The following MIPOL1 variants were observed in gnomAD, a reference collection of about 807,000 sequenced individuals.
The protein encoded by MIPOL1 is mirror-image polydactyly 1.
A neutral mutation model predicts 60.9 loss-of-function variants in MIPOL1; 57 were observed. That is an observed-to-expected ratio of 0.94 (90% CI 0.76 to 1.17). The LOEUF (loss-of-function observed/expected upper bound fraction) is 1.17. Among genes scored for constraint, MIPOL1 ranks in the 50% most tolerant of loss-of-function variants. The probability of loss-of-function intolerance (pLI) is 0.00; values close to 1 mark genes in which losing one functional copy is unlikely to be tolerated. For synonymous variants in MIPOL1, 179 were observed against 168.8 expected (o/e 1.06, Z -0.47); for missense variants, 551 against 511.6 (o/e 1.08, Z -0.74).
chr14:37,368,383 G>A (rs1000431178), intron 9 of MIPOL1, among the ~76,000 whole-genome samples: 11 of 151,870 alleles, frequency 7.2e-5, no homozygotes, highest in African/African-American at 1.5e-4. Context: ...ATATTGATAC[G>A]TACTGCCTAA....
At chr14:37,504,054 A>T (rs1452324930) in intron 12 of MIPOL1, 1 of 152,196 alleles carries the variant, frequency 6.6e-6, no homozygotes, top group African/African-American at 2.4e-5. Context: ...AAGAAGAGCT[A>T]ACTATCCTAA....
At chr14:37,318,235 C>T (rs2088144232) in intron 9 of MIPOL1, among the ~76,000 whole-genome samples, 1 of 152,144 alleles carries the variant, frequency 6.6e-6, no homozygotes. Flanking sequence ...CTTAACCTCT[C>T]CTTTTTTAGT....
chr14:37,249,456 A>AT (rs1275189183), intron 3 of MIPOL1, among the ~76,000 whole-genome samples: 2 of 151,976 alleles, frequency 1.3e-5, no homozygotes, highest in East Asian at 3.9e-4. Flanking sequence ...TTTGTTTTTG[A>AT]TTTTTATACT....
chr14:37,443,287 T>C (rs2094278747), intron 11 of MIPOL1, among the ~76,000 whole-genome samples: 1 of 151,686 alleles, frequency 6.6e-6, no homozygotes, highest in Non-Finnish European at 1.5e-5. Flanking sequence ...AGTGAGACCC[T>C]ATCTCTACTA....
intron 1 of MIPOL1, among the ~76,000 whole-genome samples, chr14:37,244,788 G>C (rs549082208): frequency 2.5e-4 from 38 of 152,034 alleles, no homozygotes; most frequent in African/African-American, 8.7e-4. Context: ...ACAAATTCTT[G>C]ATATCAAATC....
At chr14:37,378,417 G>A (rs2092834817) in intron 10 of MIPOL1, among the ~76,000 whole-genome samples, 1 of 151,982 alleles carries the variant, frequency 6.6e-6, no homozygotes, top group Non-Finnish European at 1.5e-5. Context: ...TTCTCAAAGG[G>A]TTAAATTTAT....
chr14:37,337,077 G>T (rs1409392424), intron 9 of MIPOL1, among the ~76,000 whole-genome samples: 3 of 151,656 alleles, frequency 2.0e-5, no homozygotes, highest in South Asian at 2.1e-4. Context: ...GTACTAATGG[G>T]TCTTTTTTTT....
chr14:37,462,621 T>C (rs2153582807), intron 11 of MIPOL1, among the ~76,000 whole-genome samples: 1 of 152,306 alleles, frequency 6.6e-6, no homozygotes, highest in South Asian at 2.1e-4. Context: ...AGCACCCAAG[T>C]CACCTCTGGA....
At chr14:37,512,156 A>G (rs1450839706) in intron 12 of MIPOL1, among the ~76,000 whole-genome samples, 5 of 101,328 alleles carry the variant, frequency 4.9e-5, no homozygotes, top group Admixed American at 1.1e-4. Flanking sequence ...TTTGAGCACT[A>G]TTGACCAAAC....
At chr14:37,217,788 G>A (rs1968001810) in intron 1 of MIPOL1, among the ~76,000 whole-genome samples, 1 of 152,170 alleles carries the variant, frequency 6.6e-6, no homozygotes, top group African/African-American at 2.4e-5. Context: ...ATATCATACT[G>A]AATGGGGAAA....
chr14:37,316,787 G>A (rs567318256), intron 9 of MIPOL1, among the ~76,000 whole-genome samples: 2 of 152,132 alleles, frequency 1.3e-5, no homozygotes, highest in South Asian at 4.1e-4. Context: ...GGCCAGCCTG[G>A]CCAACATGGT....
chr14:37,464,051 C>G (rs1257111115), intron 11 of MIPOL1, among the ~76,000 whole-genome samples: 1 of 152,158 alleles, frequency 6.6e-6, no homozygotes, highest in Non-Finnish European at 1.5e-5. Flanking sequence ...ATTAAAACCA[C>G]TATAAGATAC....
rs74998040 is a variant in MIPOL1, at chr14:37,533,385, G to C, written c.1263-13520G>C. Among the ~76,000 whole-genome samples the C allele has an allele frequency of 6.6e-3, 1,012 of 152,212 alleles. 14 individuals carry two copies. The highest frequency in any genetic ancestry group is 0.024 in the African/African-American group (978 of 41,544). Reference sequence around the variant, plus strand: ...AAGCCTATGAGAACAGTATAATTGAGCAGTTTTCAAAACAATATTTAAGAA... The same window carrying C: ...AAGCCTATGAGAACAGTATAATTGACCAGTTTTCAAAACAATATTTAAGAA... On this transcript the variant is annotated intron_variant, in intron 12 of 12. Coordinates refer to ENST00000684589, the MANE Select transcript of MIPOL1 (RefSeq NM_001388067.1).
chr14:37,290,715 T>C (rs1850801926), intron 7 of MIPOL1, among the ~76,000 whole-genome samples: 1 of 152,232 alleles, frequency 6.6e-6, no homozygotes, highest in African/African-American at 2.4e-5. Flanking sequence ...TTTAAAAAAC[T>C]TAACTTTTAT....
chr14:37,535,705 G>C (rs765391634), intron 12 of MIPOL1, among the ~76,000 whole-genome samples: 13 of 152,020 alleles, frequency 8.6e-5, no homozygotes, highest in African/African-American at 1.2e-4. Flanking sequence ...CACCTAAAAG[G>C]CTGTGTAGAA....
At chr14:37,314,784 A>T (rs2087699490) in intron 9 of MIPOL1, among the ~76,000 whole-genome samples, 1 of 152,146 alleles carries the variant, frequency 6.6e-6, no homozygotes, top group African/African-American at 2.4e-5. Flanking sequence ...TGTGTCAATC[A>T]CAGTCCCTTG....
At chr14:37,521,347 A>G (rs1171826276) in intron 12 of MIPOL1, among the ~76,000 whole-genome samples, 1 of 152,106 alleles carries the variant, frequency 6.6e-6, no homozygotes, top group Non-Finnish European at 1.5e-5. Flanking sequence ...AACTAAATTG[A>G]GTATTATTAT....
intron 3 of MIPOL1, among the ~76,000 whole-genome samples, chr14:37,255,848 C>G (rs903231084): frequency 6.6e-6 from 1 of 150,690 alleles, no homozygotes; most frequent in African/African-American, 2.5e-5. Context: ...TGTATTTAAA[C>G]TTTTATATTT....
intron 11 of MIPOL1, among the ~76,000 whole-genome samples, chr14:37,465,683 G>T (rs2094589496): frequency 6.6e-6 from 1 of 152,002 alleles, no homozygotes; most frequent in Non-Finnish European, 1.5e-5. Context: ...AATGTAATTT[G>T]TGACTTTCTA....
Sources: gnomAD v4.1 joint callset for allele counts (sites outside exome capture counted in the v4.1 genomes callset) on GRCh38, gnomAD v4.1.1 for gene constraint, MANE v1.5 for transcripts, NCBI Gene and HGNC (gene_info 2026-07-23, HGNC 2026-07-21) for gene names.